Variants in SIPA1L1 observed in about 807,000 individuals in gnomAD.
SIPA1L1 encodes the protein signal induced proliferation associated 1 like 1, also known as signal-induced proliferation-associated 1-like protein 1.
SIPA1L1 carries 26 observed loss-of-function variants against 162.7 expected under a neutral mutation model. The observed-to-expected ratio is 0.16, with a 90% CI of 0.12 to 0.22. SIPA1L1 has a LOEUF of 0.22. Among genes scored for constraint, SIPA1L1 ranks in the 10% least tolerant of loss-of-function variants. The probability of loss-of-function intolerance (pLI) is 1.00; values close to 1 mark genes in which losing one functional copy is unlikely to be tolerated. For synonymous variants in SIPA1L1, 829 were observed against 837.4 expected (o/e 0.99, Z 0.17); for missense variants, 1,874 against 2,241.0 (o/e 0.84, Z 3.31).
chr14:71,616,283 G>A (rs1236488517), intron 5 of SIPA1L1, among the ~76,000 whole-genome samples: 7 of 152,136 alleles, frequency 4.6e-5, no homozygotes, highest in African/African-American at 1.7e-4. Context: ...TTTGAGCCAG[G>A]GAAGGACCAA....
intron 2 of SIPA1L1, among the ~76,000 whole-genome samples, chr14:71,379,314 T>A (rs910458497): frequency 7.9e-5 from 12 of 151,540 alleles, no homozygotes; most frequent in Non-Finnish European, 1.3e-4. Flanking sequence ...TTTTTTTTTT[T>A]CCTTTAAGAG....
chr14:71,566,703 C>A (rs2030678247), intron 4 of SIPA1L1, among the ~76,000 whole-genome samples: 1 of 152,100 alleles, frequency 6.6e-6, no homozygotes, highest in Non-Finnish European at 1.5e-5. Context: ...GAATTAAAGC[C>A]ATTTAATCCT....
rs571371342 is a variant in SIPA1L1 at position 71,519,728 on chromosome 14, A to G, written c.-362+6883A>G. Among the ~76,000 whole-genome samples, 41 of 152,224 alleles carry G rather than the reference A, an allele frequency of 2.7e-4. No homozygotes were observed. In the South Asian group the frequency reaches 8.3e-3, roughly 31 times the overall value. On this transcript the variant is annotated intron_variant, in intron 3 of 23. Transcript: ENST00000381232. ...ACACCTGTAATCCTAGCTACTCAGGAGACTGAGGCAGGATTATTGCTTGAG... is the reference window on the plus strand; with the variant it reads ...ACACCTGTAATCCTAGCTACTCAGGGGACTGAGGCAGGATTATTGCTTGAG...
chr14:71,509,616 T>G (rs1444023912), intron 2 of SIPA1L1, among the ~76,000 whole-genome samples: 1 of 151,792 alleles, frequency 6.6e-6, no homozygotes, highest in Non-Finnish European at 1.5e-5. Context: ...TGGTGGCAGG[T>G]GCCTGTAATC....
intron 2 of SIPA1L1, among the ~76,000 whole-genome samples, chr14:71,325,639 A>G (rs1349590662): frequency 1.3e-5 from 2 of 152,220 alleles, no homozygotes; most frequent in African/African-American, 4.8e-5. Flanking sequence ...GCATAGAGAG[A>G]TGACACCAAA....
intron 2 of SIPA1L1, among the ~76,000 whole-genome samples, chr14:71,435,164 GTTTTTCT>G (rs1381449382): frequency 4.0e-5 from 6 of 151,746 alleles, no homozygotes; most frequent in Non-Finnish European, 8.8e-5. Context: ...CAATGTATGT[GTTTTTCT>G]TTTTTCTTTT....
rs150501811 is a variant in SIPA1L1, at chr14:71,383,631, G to T, written c.-465+62450G>T. 6.2e-4 allele frequency among the ~76,000 whole-genome samples: 95 copies of T among 152,264 alleles called. No homozygotes were observed. The East Asian group carries it at 0.016, about 26-fold the overall frequency. On this transcript the variant is annotated intron_variant, in intron 2 of 23. Coordinates refer to ENST00000381232, the MANE Select transcript of SIPA1L1 (RefSeq NM_001386936.1). ...GTCATTTGCTCAGCTCCTGGCGAGG[G>T]CCTCTGGAAGCTTACAATCATGATG... is the stretch of plus-strand genomic sequence containing the variant.
intron 5 of SIPA1L1, among the ~76,000 whole-genome samples, chr14:71,598,559 A>G (rs547676550): frequency 1.3e-5 from 2 of 152,358 alleles, no homozygotes; most frequent in African/African-American, 4.8e-5. Context: ...ATACTCTTCA[A>G]AGCTGTCAAG....
At chr14:71,496,033 G>A (rs2143022726) in intron 2 of SIPA1L1, among the ~76,000 whole-genome samples, 1 of 147,612 alleles carries the variant, frequency 6.8e-6, no homozygotes, top group Middle Eastern at 3.6e-3. Context: ...TGATCTTGCT[G>A]CTGCACTCTA....
intron 2 of SIPA1L1, among the ~76,000 whole-genome samples, chr14:71,394,424 T>G (rs1460246190): frequency 6.6e-6 from 1 of 152,248 alleles, no homozygotes; most frequent in Admixed American, 6.5e-5. Flanking sequence ...CATCTCCTGC[T>G]GCATTTATGT....
chr14:71,537,331 G>C (rs1258158860), intron 4 of SIPA1L1, among the ~76,000 whole-genome samples: 1 of 152,130 alleles, frequency 6.6e-6, no homozygotes, highest in African/African-American at 2.4e-5. Context: ...CTCTCAAGTA[G>C]CTGGGATTAC....
chr14:71,703,323 G>A (rs1327873105), intron 15 of SIPA1L1, among the ~76,000 whole-genome samples: 1 of 152,190 alleles, frequency 6.6e-6, no homozygotes, highest in Non-Finnish European at 1.5e-5. Flanking sequence ...AATCTTATAA[G>A]ACAAGACCCA....
chr14:71,706,255 A>G (rs2082432208), intron 16 of SIPA1L1, among the ~76,000 whole-genome samples: 1 of 152,190 alleles, frequency 6.6e-6, no homozygotes, highest in African/African-American at 2.4e-5. Context: ...AAGTTGTGAC[A>G]ATGTGATATT....
chr14:71,676,614 A>ATCCC (rs2045219602), intron 12 of SIPA1L1, among the ~76,000 whole-genome samples: 1 of 131,060 alleles, frequency 7.6e-6, no homozygotes, highest in Non-Finnish European at 1.6e-5. Context: ...TCCTAATGCT[A>ATCCC]TCCCTCCCCC....
rs748175055 is a variant in SIPA1L1, at chr14:71,735,291, T to C, written c.5023T>C (p.Phe1675Leu). 1.2e-6 allele frequency: 2 copies of C among 1,613,470 alleles called. No individual in the cohort carries two copies. The highest frequency in any genetic ancestry group is 3.3e-5 in the Admixed American group (2 of 60,026). ...CTCCTTTCCAGTCCAGAGAGCCTCA[T>C]TTTTTGCTGCTAGTGATGAAAACCA... ...AKAYEVQRAS[F>L]FAASDENHRP... The change falls in exon 22 of 24, where the codon TTT becomes CTT. Residue 1675 changes from phenylalanine to leucine, a missense_variant. Transcript: ENST00000381232.
At chr14:71,686,988 G>A (rs536391315) in intron 13 of SIPA1L1, among the ~76,000 whole-genome samples, 1 of 152,288 alleles carries the variant, frequency 6.6e-6, no homozygotes, top group Non-Finnish European at 1.5e-5. Context: ...GCAGAGAGCA[G>A]GAAGATTTAG....
At chr14:71,342,742 A>G (rs2035789379) in intron 2 of SIPA1L1, among the ~76,000 whole-genome samples, 3 of 152,138 alleles carry the variant, frequency 2.0e-5, no homozygotes, top group Admixed American at 2.0e-4. Flanking sequence ...CGTACAGCTC[A>G]TTTCTCCAAA....
At chr14:71,446,894 G>GGTTTTTTTTTTTTTTTTTTTTT (rs2045394010) in intron 2 of SIPA1L1, among the ~76,000 whole-genome samples, 4 of 87,406 alleles carry the variant, frequency 4.6e-5, no homozygotes, top group African/African-American at 1.7e-4. Flanking sequence ...GATGGGCTCT[G>GGTTTTTTTTTTTTTTTTTTTTT]TTTTTTTTTT....
chr14:71,457,072 A>G (rs1388598115), intron 2 of SIPA1L1, among the ~76,000 whole-genome samples: 1 of 152,164 alleles, frequency 6.6e-6, no homozygotes, highest in Non-Finnish European at 1.5e-5. Context: ...AATATCTTTT[A>G]AATGGAGACT....
Sources: allele counts gnomAD v4.1 joint callset (sites outside exome capture counted in the v4.1 genomes callset), GRCh38; gene constraint gnomAD v4.1.1; transcripts MANE v1.5; gene names NCBI Gene and HGNC (gene_info 2026-07-23, HGNC 2026-07-21).